The following PYM1 variants were observed in gnomAD, a reference collection of about 807,000 sequenced individuals.
The protein encoded by PYM1 is PYM1 exon junction complex associated factor.
Under a neutral mutation model 20.7 loss-of-function variants are expected in PYM1, and 7 were observed. The ratio of observed to expected loss-of-function variants is 0.34; its 90% CI spans 0.19 to 0.64. The LOEUF (loss-of-function observed/expected upper bound fraction) is 0.64, where lower values mean the gene tolerates loss of function less well. Ranked by LOEUF, PYM1 falls within the 30% of genes least tolerant of loss-of-function variation. The pLI, the probability that PYM1 is intolerant of heterozygous loss-of-function variation, is 0.74. For missense variants in PYM1, 194 were observed against 250.0 expected (o/e 0.78, Z 1.51); for synonymous variants, 100 against 99.2 (o/e 1.01, Z -0.05).
chr12:55,925,079 G>GC (rs369003203), intron 1 of PYM1, among the ~76,000 whole-genome samples: 91 of 152,328 alleles, frequency 6.0e-4, no homozygotes, highest in African/African-American at 2.1e-3. Flanking sequence ...TTTTTCTCTA[G>GC]CAACATGCTG....
At chr12:55,903,820 G>A (rs1257979776) in intron 1 of PYM1, among the ~76,000 whole-genome samples, 42 of 152,054 alleles carry the variant, frequency 2.8e-4, no homozygotes, top group East Asian at 1.9e-4. Context: ...CAAAAACCAC[G>A]GGGAGGAGAA....
intron 1 of PYM1, among the ~76,000 whole-genome samples, chr12:55,911,561 C>T (rs967253407): frequency 3.3e-5 from 5 of 152,032 alleles, no homozygotes; most frequent in African/African-American, 4.8e-5. Context: ...AGTAACGAGG[C>T]CAGCCATGGT....
At chr12:55,905,987 A>ATCTAATAGATATAT (rs1565714584) in intron 1 of PYM1, among the ~76,000 whole-genome samples, 11 of 124,456 alleles carry the variant, frequency 8.8e-5, no homozygotes, top group Non-Finnish European at 1.2e-4. Context: ...TATTATATAT[A>ATCTAATAGATATAT]ATATAAAATA....
chr12:55,906,652 T>G (rs7313854), intron 1 of PYM1, among the ~76,000 whole-genome samples: 8,864 of 152,142 alleles, frequency 0.058, 781 homozygotes, highest in African/African-American at 0.19. Context: ...TTTATTTATT[T>G]ATTGATTGAT....
rs1004969079 is a variant in PYM1 at position 55,927,518 on chromosome 12, C to G, written c.37+207G>C. On this transcript the variant is annotated intron_variant, in intron 1 of 2. Coordinates refer to ENST00000408946, the MANE Select transcript of PYM1 (RefSeq NM_032345.3). The stretch of plus-strand genomic sequence containing the variant: ...TCCAGGCTCTGGCCTGCACCCAGAT[C>G]TCAGAGCGGCTTGGTGACGTGGAGC... 9 of 694,650 alleles carry G rather than the reference C, an allele frequency of 1.3e-5. No individual in the cohort carries two copies. In the Admixed American group the frequency reaches 2.1e-4, roughly 16 times the overall value. The allele number at this position is 694,650 out of a possible 1,614,324, so 43.0% of individuals were successfully genotyped here.
chr12:55,905,555 A>C (rs1340239295), intron 1 of PYM1, among the ~76,000 whole-genome samples: 2 of 149,458 alleles, frequency 1.3e-5, no homozygotes, highest in East Asian at 4.0e-4. Context: ...TACAAAAATT[A>C]GCTGGGCGTG....
intron 1 of PYM1, among the ~76,000 whole-genome samples, chr12:55,920,505 G>A (rs1218798978): frequency 3.3e-5 from 5 of 151,890 alleles, no homozygotes; most frequent in Non-Finnish European, 5.9e-5. Flanking sequence ...GGGAGTGGGG[G>A]TGCATGCCTG....
At position 55,902,337 on chromosome 12, in the gene PYM1, C is replaced by A; in HGVS notation, c.150G>T (p.Val50=). The change falls in exon 3 of 3, where the codon GTG becomes GTT. Residue 50 remains valine (V), a synonymous_variant. Transcript: ENST00000408946. ...ACTCTGGTTTACTCTTGAAAAACTT[C>A]ACATACTTGTTTTCATATCTGCAGG... The part of the protein sequence containing the change: ...EEVPVYENKY[V]KFFKSKPELP... 6.2e-7 allele frequency: 1 copy of A among 1,609,602 alleles called. No individual in the cohort carries two copies.
intron 1 of PYM1, chr12:55,926,994 G>A: frequency 7.2e-7 from 1 of 1,394,276 alleles, no homozygotes; most frequent in Non-Finnish European, 9.6e-7. Context: ...CCCCGGGATG[G>A]GCGGGGCACA....
chr12:55,926,353 C>CA (rs1228241712), intron 1 of PYM1, among the ~76,000 whole-genome samples: 3 of 152,166 alleles, frequency 2.0e-5, no homozygotes, highest in Non-Finnish European at 4.4e-5. Flanking sequence ...AGCCAGGCTG[C>CA]AAATTCTTCT....
At chr12:55,907,478 A>AG (rs1277471344) in intron 1 of PYM1, among the ~76,000 whole-genome samples, 1 of 148,268 alleles carries the variant, frequency 6.7e-6, no homozygotes, top group Non-Finnish European at 1.5e-5. Context: ...AAAAAAAAAA[A>AG]AAAAAATTAG....
At chr12:55,902,635 G>T (rs112244905) in intron 2 of PYM1, among the ~76,000 whole-genome samples, 3,264 of 151,582 alleles carry the variant, frequency 0.022, 53 homozygotes, top group Non-Finnish European at 0.031. Context: ...CTGCCACCAC[G>T]CCTGGCTAAC....
At chr12:55,925,724 T>A (rs183891380) in intron 1 of PYM1, among the ~76,000 whole-genome samples, 1 of 152,338 alleles carries the variant, frequency 6.6e-6, no homozygotes, top group East Asian at 1.9e-4. Context: ...TATTCCTTTT[T>A]CTCTTCCACA....
chr12:55,907,500 G>A (rs974017681), intron 1 of PYM1, among the ~76,000 whole-genome samples: 15 of 151,328 alleles, frequency 9.9e-5, no homozygotes, highest in East Asian at 3.9e-4. Context: ...CGGGCACGGC[G>A]GCATGCGCTT....
At chr12:55,911,118 A>T (rs766729285) in intron 1 of PYM1, among the ~76,000 whole-genome samples, 24 of 151,938 alleles carry the variant, frequency 1.6e-4, no homozygotes, top group African/African-American at 5.8e-4. Context: ...TTATTTATTT[A>T]TTTTTTTGAG....
In PYM1 at chr12:55,927,758, C is replaced by T. The variant is rs1464584914; in HGVS notation, c.4G>A (p.Glu2Lys). M[E>K]AAGSPAATET... Reference sequence around the variant, plus strand: ...GTAGCCGCAGGGCTGCCGGCAGCTTCCATGGCCGAAGAGGCAGCGGACCAG... The same window carrying T: ...GTAGCCGCAGGGCTGCCGGCAGCTTTCATGGCCGAAGAGGCAGCGGACCAG... Residue 2 changes from glutamate (E) to lysine (K), a missense_variant, in exon 1 of 3, where the codon GAA becomes AAA. By Grantham distance (56) the Glu-to-Lys change is moderately conservative. Around this residue, in one of 3 missense-constraint regions of PYM1, gnomAD observed 19 missense variants for 17.8 expected, o/e 1.07. Transcript: ENST00000408946. 4 of 1,539,278 alleles carry T rather than the reference C, an allele frequency of 2.6e-6. No individual in the cohort carries two copies. The highest frequency in any genetic ancestry group is 8.7e-7 in the Non-Finnish European group (1 of 1,146,442).
chr12:55,927,527 G>C (rs901594361), intron 1 of PYM1, 198 bp downstream of exon 1: 24 of 706,610 alleles, frequency 3.4e-5, no homozygotes, highest in Non-Finnish European at 5.5e-5. Context: ...TCTCAGAGCG[G>C]CTTGGTGACG....
chr12:55,914,660 C>A (rs1459257181), intron 1 of PYM1, among the ~76,000 whole-genome samples: 3 of 152,104 alleles, frequency 2.0e-5, no homozygotes, highest in African/African-American at 7.2e-5. Context: ...AGGTATGAGA[C>A]CTTTTTCAAA....
Position 55,902,062 on chromosome 12 carries a change from G to C in PYM1, c.425C>G (p.Pro142Arg). Reference sequence around the variant, plus strand: ...TTTCTCAGTGGTGGCAGCTGAGTCAGGCTGGTCAGATGCAGCTGTGGGGGC... The same window carrying C: ...TTTCTCAGTGGTGGCAGCTGAGTCACGCTGGTCAGATGCAGCTGTGGGGGC... ...RAAPTAASDQ[P>R]DSAATTEKAK... is the part of the protein sequence containing the mutation. Residue 142 changes from proline (P) to arginine (R), a missense_variant, in exon 3 of 3, where the codon CCT becomes CGT. This residue lies in a region of PYM1 where 158 missense variants were observed against 179.0 expected (regional missense o/e 0.88). Transcript: ENST00000408946. The C allele has an allele frequency of 6.2e-7, 1 of 1,614,134 alleles. No homozygotes were observed.
Sources: allele counts gnomAD v4.1 joint callset (sites outside exome capture counted in the v4.1 genomes callset), GRCh38; gene constraint gnomAD v4.1.1; regional missense constraint gnomAD v4.1.1; transcripts MANE v1.5; gene names NCBI Gene and HGNC (gene_info 2026-07-23, HGNC 2026-07-21).